Variants in PKP2 observed in about 807,000 individuals in gnomAD.
PKP2 encodes plakophilin 2.
In PKP2, 73 loss-of-function variants were observed where a neutral mutation model predicts 83.4. The ratio of observed to expected loss-of-function variants is 0.88; its 90% CI spans 0.72 to 1.06. The LOEUF is 1.06. Ranked by LOEUF, PKP2 falls within the 50% of genes least tolerant of loss-of-function variation. PKP2 has a pLI of 0.00. For missense variants in PKP2, 966 were observed against 1,065.4 expected (o/e 0.91, Z 1.30); for synonymous variants, 409 against 430.4 (o/e 0.95, Z 0.62).
intron 3 of PKP2, among the ~76,000 whole-genome samples, chr12:32,874,153 T>G (rs561160010): frequency 6.6e-6 from 1 of 152,268 alleles, no homozygotes; most frequent in Admixed American, 6.5e-5. Flanking sequence ...CAGTTAATAT[T>G]CAACATATAT....
At chr12:32,859,880 T>A (rs1367216621) in intron 4 of PKP2, among the ~76,000 whole-genome samples, 1 of 152,134 alleles carries the variant, frequency 6.6e-6, no homozygotes, top group African/African-American at 2.4e-5. Context: ...TAATACCTTG[T>A]GGTAGTAATG....
intron 10 of PKP2, among the ~76,000 whole-genome samples, chr12:32,797,445 C>CAAAAAAAAA (rs548021913): frequency 0.19 from 12,713 of 66,446 alleles, 3,255 homozygotes; most frequent in South Asian, 0.24. Flanking sequence ...GACCCTGTCT[C>CAAAAAAAAA]AAAAAAAAAA....
At chr12:32,805,927 G>A (rs73301753) in intron 9 of PKP2, among the ~76,000 whole-genome samples, 2,328 of 152,236 alleles carry the variant, frequency 0.015, 53 homozygotes, top group African/African-American at 0.053. Flanking sequence ...ACCATGAAGC[G>A]ATGTCGAATT....
intron 9 of PKP2, among the ~76,000 whole-genome samples, chr12:32,817,149 C>A (rs939511673): frequency 6.6e-6 from 1 of 152,150 alleles, no homozygotes; most frequent in African/African-American, 2.4e-5. Context: ...GCCATCTGGT[C>A]TTTGACAAAG....
Position 32,792,057 on chromosome 12 carries a change from A to G in PKP2, c.*367T>C. ...AGTGACAAAACATGGGAACCAGAAA[A>G]GGAATATAAATGTAAATCAAACTTT... On this transcript the variant is annotated 3_prime_UTR_variant, in exon 13 of 13. Coordinates refer to ENST00000340811, the MANE Select transcript of PKP2 (RefSeq NM_001005242.3). The G allele has an allele frequency of 5.9e-6, 2 of 338,072 alleles. No homozygotes were observed. Among genetic ancestry groups the G allele is most frequent in the Non-Finnish European group, 1.1e-5 (2 of 177,582 alleles). 20.9% of individuals were successfully genotyped at this position (338,072 alleles called of 1,614,324 possible).
At chr12:32,881,050 T>G (rs999412146) in intron 1 of PKP2, among the ~76,000 whole-genome samples, 3 of 152,176 alleles carry the variant, frequency 2.0e-5, no homozygotes. Context: ...CAATAAACTG[T>G]TATAAAGACA....
chr12:32,815,247 C>T (rs749402841), intron 9 of PKP2, among the ~76,000 whole-genome samples: 1 of 152,184 alleles, frequency 6.6e-6, no homozygotes, highest in Non-Finnish European at 1.5e-5. Context: ...TAAACCCTTT[C>T]ATGACTCTTC....
chr12:32,791,616 TTATAGG>T lies in PKP2; in HGVS notation c.*802_*807del. The T allele has an allele frequency of 6.6e-6, 1 of 152,358 alleles. No homozygotes were observed. The highest frequency in any genetic ancestry group is 3.4e-3 in the Middle Eastern group (1 of 294). 9.4% of individuals were successfully genotyped at this position (152,358 alleles called of 1,614,324 possible). On this transcript the variant is annotated 3_prime_UTR_variant, in exon 13 of 13. Transcript: ENST00000340811. ...AAGAGATTTGGATTTAACGGCGTTG[TTATAGG>T]TAAAGTATCTCCTGAGAAAAATCTC... is the stretch of plus-strand genomic sequence containing the variant.
chr12:32,844,787 C>CA (rs1956631447), intron 5 of PKP2, among the ~76,000 whole-genome samples: 1 of 152,216 alleles, frequency 6.6e-6, no homozygotes, highest in Non-Finnish European at 1.5e-5. Flanking sequence ...AAAACAGACT[C>CA]ACAGTCTTGG....
At position 32,880,257 on chromosome 12, in the gene PKP2, G is replaced by A. The variant is rs559127112; in HGVS notation, c.224-1225C>T. Reference sequence around the variant, plus strand: ...TCTCCTAAAAATACAAAAATTAGTCGGGGGTGGTGGTGGGCGCCTGTAATC... The same window carrying A: ...TCTCCTAAAAATACAAAAATTAGTCAGGGGTGGTGGTGGGCGCCTGTAATC... On this transcript the variant is annotated intron_variant, in intron 1 of 12. Transcript: ENST00000340811. Among the ~76,000 whole-genome samples the A allele has an allele frequency of 5.9e-5, 9 of 151,824 alleles. No homozygotes were observed. The East Asian group carries it at 1.4e-3, about 23-fold the overall frequency.
chr12:32,874,485 T>C (rs1956917603), intron 3 of PKP2, among the ~76,000 whole-genome samples: 1 of 152,208 alleles, frequency 6.6e-6, no homozygotes, highest in African/African-American at 2.4e-5. Flanking sequence ...ATTTCTATGA[T>C]TTCTACTCTC....
At chr12:32,881,568 A>G (rs903632464) in intron 1 of PKP2, among the ~76,000 whole-genome samples, 6 of 152,148 alleles carry the variant, frequency 3.9e-5, no homozygotes, top group African/African-American at 1.4e-4. Flanking sequence ...AATTTAAGAG[A>G]GAAATCAAGG....
At chr12:32,881,085 T>C (rs1030906901) in intron 1 of PKP2, among the ~76,000 whole-genome samples, 3 of 152,190 alleles carry the variant, frequency 2.0e-5, no homozygotes, top group Non-Finnish European at 4.4e-5. Flanking sequence ...TGATGATACA[T>C]TCAAGGGGAG....
intron 4 of PKP2, among the ~76,000 whole-genome samples, chr12:32,862,060 G>A (rs1565593869): frequency 2.6e-5 from 4 of 151,952 alleles, no homozygotes; most frequent in Non-Finnish European, 4.4e-5. Flanking sequence ...ACCACACCTG[G>A]CTAATTTTGT....
intron 6 of PKP2, among the ~76,000 whole-genome samples, chr12:32,839,192 AAGTTCTTCC>A (rs1480663790): frequency 6.6e-6 from 1 of 151,970 alleles, no homozygotes; most frequent in Non-Finnish European, 1.5e-5. Flanking sequence ...TTCACCCACT[AAGTTCTTCC>A]ACCCCTTTTC....
intron 6 of PKP2, among the ~76,000 whole-genome samples, chr12:32,826,179 G>A (rs758987929): frequency 7.2e-5 from 11 of 151,738 alleles, no homozygotes; most frequent in African/African-American, 1.2e-4. Context: ...GGTGGTGGGC[G>A]CCTGTATTCC....
rs397516998 is a variant in PKP2 at position 32,841,142 on chromosome 12, A to C, written c.1442T>G (p.Leu481Arg). 26 of 1,613,310 alleles carry C rather than the reference A, an allele frequency of 1.6e-5. No homozygotes were observed. In the South Asian group the frequency reaches 2.9e-4, roughly 18 times the overall value. The change falls in exon 6 of 13, where the codon CTT becomes CGT. Residue 481 changes from leucine (L) to arginine (R), a missense_variant. Leu to Arg is a moderately radical substitution (Grantham distance 102). Transcript: ENST00000340811. ...LKNLMITEAL[L>R]TLTENIIIPF... ...GATGATGATATTCTCCGTCAGCGTA[A>C]GCAATGCTTCTGTTATCATGAGATT...
At chr12:32,863,382 TG>T in intron 4 of PKP2, 1 of 270,500 alleles carries the variant, frequency 3.7e-6, no homozygotes, top group Non-Finnish European at 7.7e-6. Context: ...GCAATCTTCC[TG>T]CTAGAGCTAT....
At position 32,878,351 on chromosome 12, in the gene PKP2, T is replaced by C. The variant is rs1956954122; in HGVS notation, c.529A>G (p.Thr177Ala). ...QYSQRSQAGH[T>A]LHHQESRRAA... ...CGCCTGCTTTCTTGGTGGTGCAGGG[T>C]GTGCCCAGCCTGGCTTCTCTGGCTG... The change falls in exon 3 of 13, where the codon ACC becomes GCC. Residue 177 changes from threonine to alanine, a missense_variant. By Grantham distance (58) the Thr-to-Ala change is moderately conservative (BLOSUM62 0). Coordinates refer to ENST00000340811, the MANE Select transcript of PKP2 (RefSeq NM_001005242.3). 2.5e-6 allele frequency: 4 copies of C among 1,613,292 alleles called. No individual in the cohort carries two copies. The highest frequency in any genetic ancestry group is 2.5e-6 in the Non-Finnish European group (3 of 1,179,944).
Sources: gnomAD v4.1 joint callset for allele counts (sites outside exome capture counted in the v4.1 genomes callset) on GRCh38, gnomAD v4.1.1 for gene constraint, MANE v1.5 for transcripts, NCBI Gene and HGNC (gene_info 2026-07-23, HGNC 2026-07-21) for gene names.